Variants in HTR1A observed in about 807,000 individuals in gnomAD.
The protein encoded by HTR1A is 5-HT1a receptor.
HTR1A carries 17 observed loss-of-function variants against 24.6 expected under a neutral mutation model. The observed-to-expected ratio is 0.69, with a 90% CI of 0.47 to 1.04. The LOEUF (loss-of-function observed/expected upper bound fraction) is 1.04, where lower values mean the gene tolerates loss of function less well. Among genes scored for constraint, HTR1A ranks in the 50% least tolerant of loss-of-function variants. HTR1A has a pLI of 0.00. For missense variants in HTR1A, 515 were observed against 565.1 expected, an observed-to-expected ratio of 0.91 and a Z score of 0.90; for synonymous variants, 262 against 244.6, an observed-to-expected ratio of 1.07 and a Z score of -0.67.
rs1201461481 is a variant in HTR1A at position 63,961,941 on chromosome 5, C to T, written c.-222G>A. The T allele has an allele frequency of 6.8e-6, 4 of 591,202 alleles. No individual in the cohort carries two copies. Among genetic ancestry groups the T allele is most frequent in the South Asian group, 2.0e-5 (1 of 50,558 alleles). 36.6% of individuals were successfully genotyped at this position (591,202 alleles called of 1,614,324 possible). ...CGCAGTCCAGCGCGTTCAGAAGCTC[C>T]AGCTGGGAAACTGGAGTTGGCCTGA... On this transcript the variant is annotated 5_prime_UTR_variant, in exon 1 of 1. The change creates a premature stop within an existing upstream ORF in the 5' untranslated region. Coordinates refer to ENST00000323865, the MANE Select transcript of HTR1A (RefSeq NM_000524.4).
chr5:63,961,540 G>A lies in HTR1A; in HGVS notation c.180C>T (p.Ala60=), dbSNP rs1041840819. ...AVLGNACVVA[A]IALERSLQNV... ...TCTGCAGGGAGCGCTCCAAGGCGAT[G>A]GCAGCCACCACGCACGCATTGCCCA... is the stretch of plus-strand genomic sequence containing the variant. Residue 60 remains alanine (A), a synonymous_variant, in exon 1 of 1, where the codon GCC becomes GCT. Transcript: ENST00000323865. 1.9e-6 allele frequency: 3 copies of A among 1,614,144 alleles called. No homozygotes were observed. Among genetic ancestry groups the A allele is most frequent in the Admixed American group, 1.7e-5 (1 of 60,016 alleles).
chr5:63,962,245 C>G lies in HTR1A; in HGVS notation c.-526G>C, dbSNP rs1275721216. On this transcript the variant is annotated 5_prime_UTR_variant, in exon 1 of 1. Transcript: ENST00000323865. ...CGTCCCCCTTCTCCCCACCTGCCTT[C>G]CCTTTCAGTCTCCCTCTTCCTCCTC... is the stretch of plus-strand genomic sequence containing the variant. The G allele has an allele frequency of 1.1e-5, 2 of 188,846 alleles. No individual in the cohort carries two copies. The highest frequency in any genetic ancestry group is 2.2e-5 in the Non-Finnish European group (2 of 89,474). 11.7% of individuals were successfully genotyped at this position (188,846 alleles called of 1,614,324 possible). A position where few individuals can be genotyped will look rare whatever the true frequency, so the allele number is the denominator to read the frequency against.
At position 63,959,455 on chromosome 5, in the gene HTR1A, C is replaced by A. The variant is rs1436746255; in HGVS notation, c.*996G>T. On this transcript the variant is annotated 3_prime_UTR_variant, in exon 1 of 1. Coordinates refer to ENST00000323865, the MANE Select transcript of HTR1A (RefSeq NM_000524.4). ...GCGAGAGCACAGATGGCTGGGGAGG[C>A]GCGCGGATTCCAGGCCTCTCAGCTT... is the stretch of plus-strand genomic sequence containing the variant. 6.6e-6 allele frequency among the ~76,000 whole-genome samples: 1 copy of A among 152,386 alleles called. No individual in the cohort carries two copies. Among genetic ancestry groups the A allele is most frequent in the African/African-American group, 2.4e-5 (1 of 41,594 alleles).
chr5:63,960,225 C>G lies in HTR1A; in HGVS notation c.*226G>C, dbSNP rs917635208. On this transcript the variant is annotated 3_prime_UTR_variant, in exon 1 of 1. Coordinates refer to ENST00000323865, the MANE Select transcript of HTR1A (RefSeq NM_000524.4). ...GCCAATGTCGCTTCTCACAAACTCT[C>G]TGAATTTCCTGGGCTCTCAACGCTC... is the stretch of plus-strand genomic sequence containing the variant. 2 of 600,430 alleles carry G rather than the reference C, an allele frequency of 3.3e-6. No individual in the cohort carries two copies. The highest frequency in any genetic ancestry group is 3.0e-6 in the Non-Finnish European group (1 of 336,650). The allele number at this position is 600,430 out of a possible 1,614,324, so 37.2% of individuals were successfully genotyped here.
At position 63,960,347 on chromosome 5, in the gene HTR1A, G is replaced by A. The variant is rs1746400089; in HGVS notation, c.*104C>T. 52 of 1,192,810 alleles carry A rather than the reference G, an allele frequency of 4.4e-5. 1 individual carries two copies. In the South Asian group the frequency reaches 6.0e-4, roughly 14 times the overall value. 73.9% of individuals were successfully genotyped at this position (1,192,810 alleles called of 1,614,324 possible). On this transcript the variant is annotated 3_prime_UTR_variant, in exon 1 of 1. Coordinates refer to ENST00000323865, the MANE Select transcript of HTR1A (RefSeq NM_000524.4). Reference sequence around the variant, plus strand: ...GCCGTGAGCGGAGCAGAGAGAAAGAGGAGAAGTGGCGAATTATCTTAAGTG... The same window carrying A: ...GCCGTGAGCGGAGCAGAGAGAAAGAAGAGAAGTGGCGAATTATCTTAAGTG...
rs1018309354 is a variant in HTR1A at position 63,958,187 on chromosome 5, AGATT to A, written c.*2260_*2263del. Among the ~76,000 whole-genome samples the A allele has an allele frequency of 2.6e-5, 4 of 152,220 alleles. No homozygotes were observed. Among genetic ancestry groups the A allele is most frequent in the African/African-American group, 9.6e-5 (4 of 41,472 alleles). The stretch of plus-strand genomic sequence containing the variant: ...CTTGGTTTCTGATATGGCTTTACTT[AGATT>A]ATGTGAGCAAAAATGAAACTGAATT... On this transcript the variant is annotated 3_prime_UTR_variant, in exon 1 of 1. Transcript: ENST00000323865.
rs778186221 is a variant in HTR1A, at chr5:63,958,582, C to A, written c.*1869G>T. ...GAGAGAAAAGAGTAGGGATCAATTA[C>A]TTTGTGAATTTTCTGGAAAACAAGA... On this transcript the variant is annotated 3_prime_UTR_variant, in exon 1 of 1. Coordinates refer to ENST00000323865, the MANE Select transcript of HTR1A (RefSeq NM_000524.4). 5.3e-5 allele frequency among the ~76,000 whole-genome samples: 8 copies of A among 152,134 alleles called. No homozygotes were observed. The highest frequency in any genetic ancestry group is 1.2e-4 in the Non-Finnish European group (8 of 68,024).
In HTR1A at chr5:63,961,757, A is replaced by C. The variant is rs200080514; in HGVS notation, c.-38T>G. ...GGCGCGGGAAGGGGGAGGGAAGAAA[A>C]AGCAGCGCGAAGATTCGCCTCGCCC... On this transcript the variant is annotated 5_prime_UTR_variant, in exon 1 of 1. Transcript: ENST00000323865. 1.2e-4 allele frequency: 186 copies of C among 1,607,870 alleles called. No homozygotes were observed. Among genetic ancestry groups the C allele is most frequent in the Non-Finnish European group, 1.5e-4 (182 of 1,175,046 alleles).
Position 63,961,396 on chromosome 5 carries a change from G to A in HTR1A, c.324C>T (p.Thr108=). The A allele has an allele frequency of 1.2e-6, 2 of 1,613,844 alleles. No homozygotes were observed. Among genetic ancestry groups the A allele is most frequent in the Admixed American group, 1.7e-5 (1 of 59,980 alleles). ...CGTCGAGGGCGATGAACAGGTCGCA[G>A]GTTACCTGGCCCAGTGTCCACTTGT... ...VLNKWTLGQV[T]CDLFIALDVL... Residue 108 remains threonine, a synonymous_variant, in exon 1 of 1, where the codon ACC becomes ACT. Coordinates refer to ENST00000323865, the MANE Select transcript of HTR1A (RefSeq NM_000524.4).
In HTR1A at chr5:63,961,123, G is replaced by A; in HGVS notation, c.597C>T (p.Ser199=). The A allele has an allele frequency of 6.2e-7, 1 of 1,614,266 alleles. No homozygotes were observed. The highest frequency in any genetic ancestry group is 8.5e-7 in the Non-Finnish European group (1 of 1,180,056). ...ISKDHGYTIY[S]TFGAFYIPLL... ...GCGGGATGTAGAAAGCTCCAAAGGT[G>A]GAATAGATAGTGTAGCCATGATCCT... The change falls in exon 1 of 1, where the codon TCC becomes TCT. Residue 199 remains serine, a synonymous_variant. Transcript: ENST00000323865.
Position 63,961,293 on chromosome 5 carries a change from C to G in HTR1A, c.427G>C (p.Asp143His). ...CGGGGCGTCCTCTTGTTCACGTAGT[C>G]GATGGGGTCCGTGATGGCCCAGTAC... ...DRYWAITDPI[D>H]YVNKRTPRRA... Residue 143 changes from aspartate (D) to histidine (H), a missense_variant, in exon 1 of 1, where the codon GAC (aspartate) becomes CAC (histidine). This residue lies in a region of HTR1A where 381 missense variants were observed against 384.5 expected (regional missense o/e 0.99). Transcript: ENST00000323865. 1 of 1,614,104 alleles carries G rather than the reference C, an allele frequency of 6.2e-7. No individual in the cohort carries two copies. Among genetic ancestry groups the G allele is most frequent in the South Asian group, 1.1e-5 (1 of 91,078 alleles).
In HTR1A at chr5:63,958,357, C is replaced by T. The variant is rs1306274160; in HGVS notation, c.*2094G>A. ...TTTAGCTGGGATATGATGTCTACTT[C>T]CAGTTTAGAATACAGAAGCAGACAC... On this transcript the variant is annotated 3_prime_UTR_variant, in exon 1 of 1. Coordinates refer to ENST00000323865, the MANE Select transcript of HTR1A (RefSeq NM_000524.4). Among the ~76,000 whole-genome samples the T allele has an allele frequency of 6.6e-6, 1 of 152,190 alleles. No homozygotes were observed. Among genetic ancestry groups the T allele is most frequent in the Admixed American group, 6.5e-5 (1 of 15,282 alleles).
In HTR1A at chr5:63,960,139, G is replaced by A. The variant is rs575294703; in HGVS notation, c.*312C>T. ...TTAAACATCCACCGCAAAGATTTAGGAGATAGAAGAGAGAAGAGGCAATTA... is the reference window on the plus strand; with the variant it reads ...TTAAACATCCACCGCAAAGATTTAGAAGATAGAAGAGAGAAGAGGCAATTA... On this transcript the variant is annotated 3_prime_UTR_variant, in exon 1 of 1. Transcript: ENST00000323865. 2.0e-5 allele frequency among the ~76,000 whole-genome samples: 3 copies of A among 152,298 alleles called. No homozygotes were observed. The South Asian group carries it at 6.2e-4, about 32-fold the overall frequency.
rs1048361136 is a variant in HTR1A at position 63,957,884 on chromosome 5, T to A, written c.*2567A>T. 1 of 152,220 alleles carries A rather than the reference T, an allele frequency of 6.6e-6. No individual in the cohort carries two copies. Among genetic ancestry groups the A allele is most frequent in the Non-Finnish European group, 1.5e-5 (1 of 68,030 alleles). 9.4% of individuals were successfully genotyped at this position (152,220 alleles called of 1,614,324 possible). Reference sequence around the variant, plus strand: ...AAGCATCAGGCACTCTTTTGAGATATGCAGCTATTTTATTTCTCTAAATTC... The same window carrying A: ...AAGCATCAGGCACTCTTTTGAGATAAGCAGCTATTTTATTTCTCTAAATTC... On this transcript the variant is annotated 3_prime_UTR_variant, in exon 1 of 1. Coordinates refer to ENST00000323865, the MANE Select transcript of HTR1A (RefSeq NM_000524.4).
chr5:63,960,858 C>A lies in HTR1A; in HGVS notation c.862G>T (p.Ala288Ser), dbSNP rs1260684033. 1 of 1,614,058 alleles carries A rather than the reference C, an allele frequency of 6.2e-7. No homozygotes were observed. The highest frequency in any genetic ancestry group is 1.1e-5 in the South Asian group (1 of 91,080). Reference sequence around the variant, plus strand: ...TGCACCTCGATCACCTCCAGGGCGGCGCCATCGTCACCTTGCCTCACCGCG... The same window carrying A: ...TGCACCTCGATCACCTCCAGGGCGGAGCCATCGTCACCTTGCCTCACCGCG... ...NGAVRQGDDG[A>S]ALEVIEVHRV... Residue 288 changes from alanine to serine, a missense_variant, in exon 1 of 1, where the codon GCC (alanine) becomes TCC (serine). Around this residue, in one of 3 missense-constraint regions of HTR1A, gnomAD observed 381 missense variants for 384.5 expected, o/e 0.99. Coordinates refer to ENST00000323865, the MANE Select transcript of HTR1A (RefSeq NM_000524.4).
Position 63,959,987 on chromosome 5 carries a change from T to A in HTR1A, c.*464A>T, listed in dbSNP as rs1325588733. Among the ~76,000 whole-genome samples the A allele has an allele frequency of 6.6e-6, 1 of 152,106 alleles. No homozygotes were observed. The highest frequency in any genetic ancestry group is 1.5e-5 in the Non-Finnish European group (1 of 68,006). ...TTCAAGGGCCACAGGGCGGGAGAGA[T>A]GGAGCAAATTCCCAAACCTCAAGTC... is the stretch of plus-strand genomic sequence containing the variant. On this transcript the variant is annotated 3_prime_UTR_variant, in exon 1 of 1. Transcript: ENST00000323865.
chr5:63,961,630 G>A lies in HTR1A; in HGVS notation c.90C>T (p.Asp30=). The A allele has an allele frequency of 6.2e-7, 1 of 1,613,948 alleles. No homozygotes were observed. Among genetic ancestry groups the A allele is most frequent in the Non-Finnish European group, 8.5e-7 (1 of 1,180,038 alleles). The stretch of plus-strand genomic sequence containing the variant: ...TGATCACTTGGTAGCTGACGGTCAC[G>A]TCGGAGATACCAGTAGTGTTGCCGC... ...ETGGNTTGIS[D]VTVSYQVITS... The change falls in exon 1 of 1, where the codon GAC becomes GAT. Residue 30 remains aspartate (D), a synonymous_variant. Transcript: ENST00000323865.
Position 63,959,504 on chromosome 5 carries a change from G to A in HTR1A, c.*947C>T, listed in dbSNP as rs929533252. Among the ~76,000 whole-genome samples the A allele has an allele frequency of 2.0e-5, 3 of 152,258 alleles. No homozygotes were observed. The highest frequency in any genetic ancestry group is 7.2e-5 in the African/African-American group (3 of 41,474). ...TTCCCCAGAGCGCAAACAGCGGCCG[G>A]CTGGCGCCTCCCGCAGTAAGTAAGT... On this transcript the variant is annotated 3_prime_UTR_variant, in exon 1 of 1. Coordinates refer to ENST00000323865, the MANE Select transcript of HTR1A (RefSeq NM_000524.4).
At position 63,961,623 on chromosome 5, in the gene HTR1A, C is replaced by G; in HGVS notation, c.97G>C (p.Val33Leu). 1 of 1,613,970 alleles carries G rather than the reference C, an allele frequency of 6.2e-7. No homozygotes were observed. The highest frequency in any genetic ancestry group is 8.5e-7 in the Non-Finnish European group (1 of 1,180,052). The change falls in exon 1 of 1, where the codon GTC (valine) becomes CTC (leucine). Residue 33 changes from valine to leucine, a missense_variant. By Grantham distance (32) the Val-to-Leu change is conservative. Coordinates refer to ENST00000323865, the MANE Select transcript of HTR1A (RefSeq NM_000524.4). ...AGAGAGGTGATCACTTGGTAGCTGA[C>G]GGTCACGTCGGAGATACCAGTAGTG... Reference protein sequence around the residue: ...GNTTGISDVTVSYQVITSLLL... With the variant: ...GNTTGISDVTLSYQVITSLLL...
Sources: gnomAD v4.1 joint callset for allele counts (sites outside exome capture counted in the v4.1 genomes callset) on GRCh38, gnomAD v4.1.1 for gene constraint, gnomAD v4.1.1 regional missense constraint, MANE v1.5 for transcripts, NCBI Gene and HGNC (gene_info 2026-07-23, HGNC 2026-07-21) for gene names.